SORL1: variants seen among roughly 807,000 people sequenced by gnomAD.
SORL1 encodes the protein sortilin-related receptor.
SORL1 carries 127 observed loss-of-function variants against 273.7 expected under a neutral mutation model. The observed-to-expected ratio is 0.46, with a 90% CI of 0.40 to 0.54. The LOEUF (loss-of-function observed/expected upper bound fraction) is 0.54, where lower values mean the gene tolerates loss of function less well. SORL1 is among the 20% of genes least tolerant of loss of function. The pLI is 0.00. For synonymous variants in SORL1, 1,031 were observed against 1,067.4 expected, an observed-to-expected ratio of 0.97 and a Z score of 0.66; for missense variants, 2,494 against 2,846.1, an observed-to-expected ratio of 0.88 and a Z score of 2.81.
chr11:121,576,937 C>G (rs1013574560), intron 24 of SORL1: 4 of 1,534,266 alleles, frequency 2.6e-6, no homozygotes, highest in Non-Finnish European at 3.5e-6. Context: ...TCCTGGCCTC[C>G]TCTATCACTG....
At chr11:121,588,880 T>C (rs1015322757) in intron 28 of SORL1, among the ~76,000 whole-genome samples, 3 of 152,168 alleles carry the variant, frequency 2.0e-5, no homozygotes, top group African/African-American at 7.2e-5. Context: ...TGTGTCTAAA[T>C]TTCCTCTTCT....
At chr11:121,461,290 G>C (rs1223523856) in intron 1 of SORL1, among the ~76,000 whole-genome samples, 1 of 152,100 alleles carries the variant, frequency 6.6e-6, no homozygotes, top group Non-Finnish European at 1.5e-5. Flanking sequence ...GGTTACTGCA[G>C]AAACAAGGCC....
At chr11:121,545,219 C>T (rs761031443) in intron 13 of SORL1, 24 bp from the exon 14 acceptor site, 16 of 1,612,542 alleles carry the variant, frequency 9.9e-6, no homozygotes, top group Admixed American at 5.0e-5. Flanking sequence ...TCTAATGCTT[C>T]GTGCTGTGTT....
chr11:121,513,228 C>A, intron 7 of SORL1, 124 bp downstream of exon 7: 1 of 743,356 alleles, frequency 1.3e-6, no homozygotes, highest in Non-Finnish European at 2.4e-6. Context: ...GAAGTCAGGT[C>A]TCTAGAGAGT....
chr11:121,506,458 G>T (rs1453201816), intron 6 of SORL1, among the ~76,000 whole-genome samples: 2 of 152,176 alleles, frequency 1.3e-5, no homozygotes, highest in Non-Finnish European at 2.9e-5. Flanking sequence ...GGCAAAGAGA[G>T]CTCATGCAGG....
intron 18 of SORL1, among the ~76,000 whole-genome samples, chr11:121,556,747 T>C (rs1417188808): frequency 6.6e-6 from 1 of 152,114 alleles, no homozygotes; most frequent in Non-Finnish European, 1.5e-5. Context: ...GAGTTATGCC[T>C]TGATTAGATT....
chr11:121,609,093 T>C (rs535694704), intron 38 of SORL1: 14 of 152,308 alleles, frequency 9.2e-5, no homozygotes, highest in Non-Finnish European at 1.9e-4. Context: ...TTTTCCAGAG[T>C]GGTTTTCCTG....
intron 21 of SORL1, among the ~76,000 whole-genome samples, chr11:121,562,414 T>C (rs1409880022): frequency 6.6e-6 from 1 of 152,224 alleles, no homozygotes; most frequent in Non-Finnish European, 1.5e-5. Context: ...TGTCCAAAAA[T>C]ATATATGGAA....
chr11:121,565,616 A>G (rs1182668247), intron 21 of SORL1, among the ~76,000 whole-genome samples: 1 of 152,200 alleles, frequency 6.6e-6, no homozygotes, highest in Non-Finnish European at 1.5e-5. Context: ...ATTGAGTTTT[A>G]TCTAAGTTTT....
chr11:121,452,570 A>C lies in SORL1; in HGVS notation c.239A>C (p.Lys80Thr). The change falls in exon 1 of 48, where the codon AAA becomes ACA. Residue 80 changes from lysine to threonine, a missense_variant. Physicochemically the swap from Lys to Thr is moderately conservative, Grantham distance 78. Transcript: ENST00000260197. This position sits in a 1 kb window ranked among gnomAD's most constrained non-coding sequence, Gnocchi z 5.3. ...GCGGACGAGAAGCCGCTCCGGAGGA[A>C]ACGGAGCGCTGCCCTGCAGCCCGAG... ...SRADEKPLRR[K>T]RSAALQPEPI... is the part of the protein sequence containing the mutation. 1.3e-6 allele frequency: 2 copies of C among 1,520,406 alleles called. No individual in the cohort carries two copies. The highest frequency in any genetic ancestry group is 1.8e-6 in the Non-Finnish European group (2 of 1,141,972). The allele number at this position is 1,520,406 out of a possible 1,614,324, so 94.2% of individuals were successfully genotyped here.
Position 121,574,288 on chromosome 11 carries a change from G to A in SORL1, c.3385G>A (p.Gly1129Arg), listed in dbSNP as rs551312125. 2 of 1,613,790 alleles carry A rather than the reference G, an allele frequency of 1.2e-6. No individual in the cohort carries two copies. The highest frequency in any genetic ancestry group is 3.3e-5 in the Admixed American group (2 of 60,022). ...CACCCAGTTTCGTTGCCAGGAGTCTGGGACTTGTATCCCACTGTCCTATAA... is the reference window on the plus strand; with the variant it reads ...CACCCAGTTTCGTTGCCAGGAGTCTAGGACTTGTATCCCACTGTCCTATAA... ...LDTQFRCQES[G>R]TCIPLSYKCD... Residue 1129 changes from glycine to arginine, a missense_variant, in exon 24 of 48, where the codon GGG becomes AGG. Gly to Arg is a moderately radical substitution (Grantham distance 125, BLOSUM62 -2). Around this residue, in one of 3 missense-constraint regions of SORL1, gnomAD observed 1,609 missense variants for 1,816.4 expected, o/e 0.89. Coordinates refer to ENST00000260197, the MANE Select transcript of SORL1 (RefSeq NM_003105.6).
rs187851961 is a variant in SORL1, at chr11:121,538,549, A to T, written c.1686-4999A>T. On this transcript the variant is annotated intron_variant, in intron 12 of 47. Transcript: ENST00000260197. ...GAGATCCTTCTTTCTTATGGATCTT[A>T]TTATACAATCAATCAATCAACAGGA... 7.9e-5 allele frequency among the ~76,000 whole-genome samples: 12 copies of T among 152,330 alleles called. 1 individual carries two copies. The East Asian group carries it at 2.3e-3, about 29-fold the overall frequency.
chr11:121,540,746 G>A (rs981334895), intron 12 of SORL1, among the ~76,000 whole-genome samples: 1 of 152,152 alleles, frequency 6.6e-6, no homozygotes, highest in South Asian at 2.1e-4. Flanking sequence ...GCTTGGTCAT[G>A]TACCTGCTTG....
rs553599861 is a variant in SORL1 at position 121,483,285 on chromosome 11, G to T, written c.529-4747G>T. ...AAAAAGGACACTGAATGTACAGTTA[G>T]GCCTCACAGCCTCAGCCTCAGCAGA... On this transcript the variant is annotated intron_variant, in intron 3 of 47. Transcript: ENST00000260197. Among the ~76,000 whole-genome samples, 5 of 152,280 alleles carry T rather than the reference G, an allele frequency of 3.3e-5. No individual in the cohort carries two copies. In the South Asian group the frequency reaches 1.0e-3, roughly 32 times the overall value.
At position 121,618,731 on chromosome 11, in the gene SORL1, G is replaced by A. The variant is rs747529064; in HGVS notation, c.5605-43G>A. The A allele has an allele frequency of 1.1e-5, 17 of 1,611,446 alleles. No homozygotes were observed. In the East Asian group the frequency reaches 3.3e-4, roughly 32 times the overall value. On this transcript the variant is annotated intron_variant, in intron 41 of 47. Coordinates refer to ENST00000260197, the MANE Select transcript of SORL1 (RefSeq NM_003105.6). ...GGGATTTCAAGGAAATGAGATCATC[G>A]GCCCATGAGCTGATGTCCTCTTCCA...
intron 47 of SORL1, 85 bp from the exon 48 acceptor site, chr11:121,629,411 G>T (rs973506400): frequency 1.2e-5 from 9 of 776,170 alleles, no homozygotes; most frequent in Non-Finnish European, 2.1e-5. Context: ...GTTGTGGTAG[G>T]GTTGAGGGGT....
intron 11 of SORL1, among the ~76,000 whole-genome samples, chr11:121,528,458 C>CA (rs1862156252): frequency 6.6e-6 from 1 of 151,402 alleles, no homozygotes; most frequent in Admixed American, 6.6e-5. Context: ...GACCGGGTCT[C>CA]AAAAAAATAA....
In SORL1 at chr11:121,559,515, T is replaced by G; in HGVS notation, c.2911-4T>G. ...GGACTAATGGGCAAAGGTTTTCTTT[T>G]TAGAATGAAATCTACTGGGATGACT... is the stretch of plus-strand genomic sequence containing the variant. On this transcript the variant is annotated splice_region_variant and splice_polypyrimidine_tract_variant and intron_variant, in intron 20 of 47. Transcript: ENST00000260197. 1 of 1,611,738 alleles carries G rather than the reference T, an allele frequency of 6.2e-7. No homozygotes were observed. The highest frequency in any genetic ancestry group is 8.5e-7 in the Non-Finnish European group (1 of 1,179,262).
intron 3 of SORL1, among the ~76,000 whole-genome samples, chr11:121,486,062 G>T (rs1283940420): frequency 6.6e-6 from 1 of 152,196 alleles, no homozygotes; most frequent in Non-Finnish European, 1.5e-5. Context: ...CGAGGCTGTG[G>T]CACTGAAAGG....
Sources: allele counts gnomAD v4.1 joint callset (sites outside exome capture counted in the v4.1 genomes callset), GRCh38; gene constraint gnomAD v4.1.1; regional missense constraint gnomAD v4.1.1; non-coding constraint Gnocchi (gnomAD v3.1); transcripts MANE v1.5; gene names NCBI Gene and HGNC (gene_info 2026-07-23, HGNC 2026-07-21).